Variants in MBP observed in about 807,000 individuals in gnomAD.
MBP encodes myelin basic protein.
Under a neutral mutation model 35.8 loss-of-function variants are expected in MBP, and 16 were observed. The observed-to-expected ratio is 0.45, with a 90% CI of 0.30 to 0.68. The LOEUF (loss-of-function observed/expected upper bound fraction) is 0.68, where lower values mean the gene tolerates loss of function less well. MBP is among the 30% of genes least tolerant of loss of function. The probability of loss-of-function intolerance (pLI) is 0.08; values close to 1 mark genes in which losing one functional copy is unlikely to be tolerated. For synonymous variants in MBP, 143 were observed against 159.6 expected (o/e 0.90, Z 0.78); for missense variants, 380 against 404.7 (o/e 0.94, Z 0.52).
chr18:77,029,865 C>T (rs955092760), intron 3 of MBP, among the ~76,000 whole-genome samples: 2 of 152,076 alleles, frequency 1.3e-5, no homozygotes, highest in African/African-American at 4.8e-5. Flanking sequence ...GGAAATTTAG[C>T]CCGGAAACTA....
chr18:77,054,382 G>T (rs1021519199), intron 3 of MBP, among the ~76,000 whole-genome samples: 4 of 152,244 alleles, frequency 2.6e-5, no homozygotes, highest in Non-Finnish European at 5.9e-5. Context: ...GGCAGAGCTT[G>T]TGCTTCAGCC....
chr18:77,093,879 CCTTACGCT>C (rs1179355463), intron 2 of MBP, among the ~76,000 whole-genome samples: 1 of 152,222 alleles, frequency 6.6e-6, no homozygotes, highest in Non-Finnish European at 1.5e-5. Flanking sequence ...CAGTACCATG[CCTTACGCT>C]CATTCTCAAG....
Position 77,107,243 on chromosome 18 carries a change from T to A in MBP, c.-25-1957A>T, listed in dbSNP as rs184653822. On this transcript the variant is annotated intron_variant, in intron 1 of 8. Transcript: ENST00000355994. ...AACAGGTAACTTCCTTTAGTTAAGG[T>A]TGACAACTTGGACCTTTGGGGGCAT... Among the ~76,000 whole-genome samples the A allele has an allele frequency of 3.9e-5, 6 of 152,318 alleles. No homozygotes were observed. In the East Asian group the frequency reaches 1.2e-3, roughly 29 times the overall value.
intron 4 of MBP, chr18:77,010,089 G>A: frequency 4.8e-6 from 3 of 619,156 alleles, no homozygotes; most frequent in Non-Finnish European, 8.7e-6. Flanking sequence ...AGAGAAGAAG[G>A]CATGTGCAGA....
chr18:77,050,678 C>T lies in MBP; in HGVS notation c.139+15620G>A, dbSNP rs1411127927. Among the ~76,000 whole-genome samples, 3 of 152,178 alleles carry T rather than the reference C, an allele frequency of 2.0e-5. No individual in the cohort carries two copies. In the South Asian group the frequency reaches 6.2e-4, roughly 32 times the overall value. On this transcript the variant is annotated intron_variant, in intron 3 of 8. Transcript: ENST00000355994. ...TCTCCTGCCTCAGCTTCCCCAGTAG[C>T]TGGAATTATAGGACGTGCCATCACG...
At chr18:77,103,116 G>A (rs1976107219) in intron 2 of MBP, among the ~76,000 whole-genome samples, 1 of 152,136 alleles carries the variant, frequency 6.6e-6, no homozygotes, top group African/African-American at 2.4e-5. Context: ...CACAGGAACA[G>A]TATATAGTCA....
At chr18:77,104,592 G>T (rs1568341817) in intron 2 of MBP, among the ~76,000 whole-genome samples, 1 of 152,206 alleles carries the variant, frequency 6.6e-6, no homozygotes, top group Non-Finnish European at 1.5e-5. Flanking sequence ...GACCTTCGTA[G>T]ATGGAATTAG....
chr18:77,057,702 G>C (rs1183534833), intron 3 of MBP, among the ~76,000 whole-genome samples: 3 of 152,070 alleles, frequency 2.0e-5, no homozygotes, highest in Admixed American at 1.3e-4. Flanking sequence ...TTGAAAAATA[G>C]CATCTCAAAA....
Position 76,988,058 on chromosome 18 carries a change from C to G in MBP, c.750+437G>C, listed in dbSNP as rs1293197234. ...TTTAGCCTCTTTTTCTGTTCATCAG[C>G]AGAATCATTTTCCCAGTGTCAGCAT... On this transcript the variant is annotated intron_variant, in intron 7 of 8. Coordinates refer to ENST00000355994, the MANE Select transcript of MBP (RefSeq NM_001025101.2). This position sits in a 1 kb window ranked among gnomAD's most constrained non-coding sequence, Gnocchi z 5.2. 1.4e-6 allele frequency: 2 copies of G among 1,434,494 alleles called. No homozygotes were observed. Among genetic ancestry groups the G allele is most frequent in the East Asian group, 5.2e-5 (2 of 38,276 alleles). The allele number at this position is 1,434,494 out of a possible 1,614,324, so 88.9% of individuals were successfully genotyped here.
At chr18:77,022,031 C>T (rs775142457) in intron 3 of MBP, among the ~76,000 whole-genome samples, 25 of 152,194 alleles carry the variant, frequency 1.6e-4, no homozygotes, top group Non-Finnish European at 2.8e-4. Flanking sequence ...TGCTGATAGT[C>T]GTGGATGTTT....
intron 1 of MBP, among the ~76,000 whole-genome samples, chr18:77,117,869 G>A (rs117990688): frequency 0.035 from 1,258 of 35,484 alleles, 2 homozygotes; most frequent in South Asian, 0.062. Context: ...GAGTGGGACA[G>A]GGGACAGTGG....
intron 3 of MBP, among the ~76,000 whole-genome samples, chr18:77,030,123 A>T (rs1351147145): frequency 1.3e-5 from 2 of 148,226 alleles, no homozygotes; most frequent in African/African-American, 5.3e-5. Context: ...CCAGAGGCTC[A>T]GGCAATGGTT....
intron 4 of MBP, among the ~76,000 whole-genome samples, chr18:77,007,993 G>A (rs1399146909): frequency 6.6e-6 from 1 of 152,138 alleles, no homozygotes; most frequent in Non-Finnish European, 1.5e-5. Flanking sequence ...ACCAAAGCCT[G>A]GGACTCTCAT....
chr18:76,983,627 G>T (rs1969347906), intron 8 of MBP: 1 of 152,230 alleles, frequency 6.6e-6, no homozygotes, highest in African/African-American at 2.4e-5. Flanking sequence ...TTACTTAGCA[G>T]CTCAGTTACT....
At chr18:77,123,369 A>G (rs1017638737) in intron 1 of MBP, among the ~76,000 whole-genome samples, 3 of 152,280 alleles carry the variant, frequency 2.0e-5, no homozygotes, top group Non-Finnish European at 2.9e-5. Flanking sequence ...ACTGTCAACA[A>G]AAAGCTTTAG....
rs147052880 is a variant in MBP at position 77,007,315 on chromosome 18, C to T, written c.576+9517G>A. Among the ~76,000 whole-genome samples, 311 of 152,338 alleles carry T rather than the reference C, an allele frequency of 2.0e-3. 6 individuals carry two copies. Among genetic ancestry groups the T allele is most frequent in the South Asian group, 0.011 (55 of 4,828 alleles). On this transcript the variant is annotated intron_variant, in intron 4 of 8. Transcript: ENST00000355994. ...TCAGGGACGAGAGAGGGAAGCTCCT[C>T]GCTTATTCTTCCACTCAATATGCAA...
At chr18:76,986,447 C>G (rs909941334) in intron 7 of MBP, 12 of 985,410 alleles carry the variant, frequency 1.2e-5, no homozygotes, top group Non-Finnish European at 1.4e-5. Context: ...CACCCTCAGC[C>G]TCTGCTGGGG....
At chr18:77,008,914 G>A (rs1971158767) in intron 4 of MBP, among the ~76,000 whole-genome samples, 1 of 152,204 alleles carries the variant, frequency 6.6e-6, no homozygotes, top group South Asian at 2.1e-4. Flanking sequence ...GAGTGTAAAT[G>A]GTCCCCCCTT....
At chr18:77,034,438 G>C (rs528792322) in intron 3 of MBP, among the ~76,000 whole-genome samples, 24 of 152,262 alleles carry the variant, frequency 1.6e-4, no homozygotes, top group Non-Finnish European at 2.8e-4. Context: ...AGTTGAGCCT[G>C]ACCCAGAGAC....
Sources: gnomAD v4.1 joint callset for allele counts (sites outside exome capture counted in the v4.1 genomes callset) on GRCh38, gnomAD v4.1.1 for gene constraint, Gnocchi (gnomAD v3.1) non-coding constraint, MANE v1.5 for transcripts, NCBI Gene and HGNC (gene_info 2026-07-23, HGNC 2026-07-21) for gene names.